AGBL1: variants seen among roughly 807,000 people sequenced by gnomAD.
AGBL1 encodes the protein AGBL carboxypeptidase 1.
In AGBL1, 130 loss-of-function variants were observed where a neutral mutation model predicts 118.9. That is an observed-to-expected ratio of 1.09 (90% CI 0.95 to 1.26). AGBL1 has a LOEUF of 1.26. AGBL1 is among the 50% of genes most tolerant of loss of function. The pLI, the probability that AGBL1 is intolerant of heterozygous loss-of-function variation, is 0.00. For missense variants in AGBL1, 1,584 were observed against 1,298.1 expected (o/e 1.22, Z -3.38); for synonymous variants, 555 against 478.9 (o/e 1.16, Z -2.08).
intron 21 of AGBL1, among the ~76,000 whole-genome samples, chr15:86,658,821 T>G (rs756060080): frequency 1.3e-5 from 2 of 152,140 alleles, no homozygotes; most frequent in Non-Finnish European, 2.9e-5. Context: ...AAAAACGTGG[T>G]CACAGAAACA....
chr15:86,417,413 A>G (rs1017617469), intron 18 of AGBL1, among the ~76,000 whole-genome samples: 2 of 152,292 alleles, frequency 1.3e-5, no homozygotes, highest in African/African-American at 4.8e-5. Flanking sequence ...CATCATTCCG[A>G]TTGTTATCTG....
chr15:86,413,527 A>G (rs1191600114), intron 18 of AGBL1, among the ~76,000 whole-genome samples: 1 of 152,076 alleles, frequency 6.6e-6, no homozygotes, highest in African/African-American at 2.4e-5. Context: ...TTTCCTCACC[A>G]ACATCTGTTA....
intron 22 of AGBL1, among the ~76,000 whole-genome samples, chr15:86,781,298 C>T (rs368783968): frequency 2.0e-5 from 3 of 152,154 alleles, no homozygotes; most frequent in East Asian, 1.9e-4. Flanking sequence ...TCCTGCCTTC[C>T]GTAGGGTTAA....
intron 22 of AGBL1, among the ~76,000 whole-genome samples, chr15:86,750,541 C>A (rs2077834067): frequency 6.6e-6 from 1 of 151,818 alleles, no homozygotes; most frequent in African/African-American, 2.4e-5. Flanking sequence ...ACAATCCTGG[C>A]AGGAACATTC....
chr15:87,012,623 C>T (rs958420210), intron 24 of AGBL1, among the ~76,000 whole-genome samples: 22 of 152,050 alleles, frequency 1.4e-4, no homozygotes, highest in Non-Finnish European at 2.9e-4. Flanking sequence ...CCTGCCCTTT[C>T]CTCTATTATA....
chr15:86,436,572 A>G (rs1002830895), intron 18 of AGBL1, among the ~76,000 whole-genome samples: 8 of 152,174 alleles, frequency 5.3e-5, no homozygotes, highest in Non-Finnish European at 4.4e-5. Context: ...CTAGGTGACA[A>G]GCACTGTGCT....
chr15:86,873,813 T>G (rs1567218455), intron 22 of AGBL1, among the ~76,000 whole-genome samples: 1 of 151,990 alleles, frequency 6.6e-6, no homozygotes, highest in Non-Finnish European at 1.5e-5. Flanking sequence ...AACTAAATAT[T>G]ACTACCTCTT....
At chr15:86,777,917 G>A (rs1306692496) in intron 22 of AGBL1, among the ~76,000 whole-genome samples, 2 of 152,048 alleles carry the variant, frequency 1.3e-5, no homozygotes, top group Non-Finnish European at 2.9e-5. Flanking sequence ...ATTATCGGGG[G>A]AAATTCAGCC....
chr15:86,488,236 C>G (rs773505211), intron 18 of AGBL1, among the ~76,000 whole-genome samples: 4 of 152,004 alleles, frequency 2.6e-5, no homozygotes, highest in Non-Finnish European at 4.4e-5. Flanking sequence ...CAGGATTCTG[C>G]AGCTGGGAAG....
chr15:86,638,080 T>A (rs1019935668), intron 21 of AGBL1, among the ~76,000 whole-genome samples: 12 of 152,260 alleles, frequency 7.9e-5, no homozygotes, highest in African/African-American at 2.9e-4. Flanking sequence ...GGACTACTTC[T>A]CATCTTCTTT....
At chr15:86,856,714 G>A (rs1596556318) in intron 22 of AGBL1, among the ~76,000 whole-genome samples, 1 of 152,192 alleles carries the variant, frequency 6.6e-6, no homozygotes, top group Non-Finnish European at 1.5e-5. Context: ...AAAAAAGTTA[G>A]TTACCTAGCC....
chr15:86,795,463 CTTGT>C (rs1181796591), intron 22 of AGBL1, among the ~76,000 whole-genome samples: 2 of 151,950 alleles, frequency 1.3e-5, no homozygotes, highest in African/African-American at 2.4e-5. Flanking sequence ...TCTGCAATTG[CTTGT>C]TTGAGACTTA....
At chr15:86,952,198 T>C (rs2080886967) in intron 23 of AGBL1, among the ~76,000 whole-genome samples, 2 of 151,660 alleles carry the variant, frequency 1.3e-5, no homozygotes, top group South Asian at 2.1e-4. Flanking sequence ...GCTGCTGCAC[T>C]CCAGCCTGGA....
intron 21 of AGBL1, among the ~76,000 whole-genome samples, chr15:86,572,562 G>T (rs1402650520): frequency 2.0e-5 from 3 of 152,214 alleles, no homozygotes; most frequent in African/African-American, 7.2e-5. Context: ...CGTTCCCGCA[G>T]TGGTGGTTGG....
chr15:86,863,041 G>A (rs77878170), intron 22 of AGBL1, among the ~76,000 whole-genome samples: 2,408 of 152,240 alleles, frequency 0.016, 59 homozygotes, highest in African/African-American at 0.054. Context: ...AGGGAAGCAC[G>A]TGCTACCATG....
chr15:86,846,902 G>A (rs1016467350), intron 22 of AGBL1, among the ~76,000 whole-genome samples: 2 of 151,942 alleles, frequency 1.3e-5, no homozygotes, highest in African/African-American at 4.8e-5. Flanking sequence ...TCCTTTATCT[G>A]AGTCTTCTAA....
chr15:86,397,930 A>G (rs1468331581), intron 18 of AGBL1, among the ~76,000 whole-genome samples: 1 of 152,180 alleles, frequency 6.6e-6, no homozygotes, highest in East Asian at 1.9e-4. Context: ...ACTGGTGTCC[A>G]GGGTAATCAA....
chr15:86,637,416 G>A (rs531535108), intron 21 of AGBL1, among the ~76,000 whole-genome samples: 3 of 152,258 alleles, frequency 2.0e-5, no homozygotes, highest in Admixed American at 6.5e-5. Context: ...ATAGCTTGAT[G>A]AGCTTGAAGA....
chr15:86,500,447 T>A (rs4459517), intron 18 of AGBL1, among the ~76,000 whole-genome samples: 91,973 of 151,634 alleles, frequency 0.61, 28,588 homozygotes, highest in East Asian at 0.76. Context: ...GGGGCTAATG[T>A]ATGGACTATT....
Sources: allele counts gnomAD v4.1 joint callset (sites outside exome capture counted in the v4.1 genomes callset), GRCh38; gene constraint gnomAD v4.1.1; transcripts MANE v1.5; gene names NCBI Gene and HGNC (gene_info 2026-07-23, HGNC 2026-07-21).